Variants in CDKAL1 observed in about 807,000 individuals in gnomAD.
The protein encoded by CDKAL1 is CDKAL1 threonylcarbamoyladenosine tRNA methylthiotransferase.
In CDKAL1, 32 loss-of-function variants were observed where a neutral mutation model predicts 68.2. The ratio of observed to expected loss-of-function variants is 0.47; its 90% CI spans 0.35 to 0.63. The LOEUF (loss-of-function observed/expected upper bound fraction) is 0.63. CDKAL1 is among the 30% of genes least tolerant of loss of function. The pLI is 0.00. For synonymous variants in CDKAL1, 234 were observed against 244.3 expected, an observed-to-expected ratio of 0.96 and a Z score of 0.39; for missense variants, 606 against 696.7, an observed-to-expected ratio of 0.87 and a Z score of 1.47.
At chr6:20,646,929 G>A (rs1343645177) in intron 4 of CDKAL1, among the ~76,000 whole-genome samples, 3 of 152,086 alleles carry the variant, frequency 2.0e-5, no homozygotes, top group Admixed American at 1.3e-4. Flanking sequence ...ATTATTAGTA[G>A]AGATGGGGTT....
At chr6:20,808,175 C>T (rs1439745444) in intron 8 of CDKAL1, among the ~76,000 whole-genome samples, 3 of 152,148 alleles carry the variant, frequency 2.0e-5, no homozygotes, top group Admixed American at 6.5e-5. Context: ...GTTGCTAGGG[C>T]ATTTTACCTT....
intron 13 of CDKAL1, among the ~76,000 whole-genome samples, chr6:21,114,712 C>G (rs1027364971): frequency 6.6e-6 from 1 of 151,864 alleles, no homozygotes; most frequent in South Asian, 2.1e-4. Context: ...GCACTCTAGC[C>G]TCAATGACAG....
chr6:21,171,407 G>GT (rs1181774820), intron 13 of CDKAL1, among the ~76,000 whole-genome samples: 6 of 151,800 alleles, frequency 4.0e-5, no homozygotes, highest in East Asian at 3.9e-4. Flanking sequence ...TAGAGATGGG[G>GT]TTCACCATGT....
At chr6:20,881,944 C>T (rs9465923) in intron 9 of CDKAL1, among the ~76,000 whole-genome samples, 34,672 of 152,108 alleles carry the variant, frequency 0.23, 4,105 homozygotes, top group Middle Eastern at 0.29. Context: ...ACTCTCTTAT[C>T]GCTGCAAGTA....
chr6:21,004,115 A>G (rs1041946971), intron 11 of CDKAL1, among the ~76,000 whole-genome samples: 115 of 152,344 alleles, frequency 7.5e-4, no homozygotes, highest in Middle Eastern at 3.4e-3. Flanking sequence ...AAGACAACCT[A>G]TAGCATTTAA....
chr6:20,735,856 C>G (rs1412068648), intron 5 of CDKAL1, among the ~76,000 whole-genome samples: 1 of 152,086 alleles, frequency 6.6e-6, no homozygotes, highest in Non-Finnish European at 1.5e-5. Context: ...TTTGTTTTCA[C>G]CTATTATTTT....
intron 8 of CDKAL1, among the ~76,000 whole-genome samples, chr6:20,829,533 G>C (rs955158064): frequency 2.6e-5 from 4 of 152,140 alleles, no homozygotes; most frequent in Non-Finnish European, 5.9e-5. Context: ...GCAATGCAAG[G>C]CATTACCCTT....
At chr6:21,102,415 G>A (rs183719737) in intron 12 of CDKAL1, among the ~76,000 whole-genome samples, 3 of 152,246 alleles carry the variant, frequency 2.0e-5, no homozygotes, top group Admixed American at 2.0e-4. Flanking sequence ...CACATCCTTG[G>A]TAGTTAACAC....
chr6:20,644,315 A>T (rs1768331950), intron 4 of CDKAL1, among the ~76,000 whole-genome samples: 1 of 152,156 alleles, frequency 6.6e-6, no homozygotes, highest in Non-Finnish European at 1.5e-5. Context: ...TATGCCTCTA[A>T]GAGGAACTAT....
At chr6:21,088,538 A>G (rs1772824619) in intron 12 of CDKAL1, among the ~76,000 whole-genome samples, 1 of 152,262 alleles carries the variant, frequency 6.6e-6, no homozygotes, top group Non-Finnish European at 1.5e-5. Context: ...AGCTAGTTCA[A>G]AAGTTAGGAA....
At chr6:20,686,787 C>T (rs1477010295) in intron 5 of CDKAL1, among the ~76,000 whole-genome samples, 3 of 152,062 alleles carry the variant, frequency 2.0e-5, no homozygotes, top group Non-Finnish European at 1.5e-5. Flanking sequence ...GGGAAAGCTT[C>T]GAGTTTCTCA....
rs1183767580 is a variant in CDKAL1 at position 20,936,313 on chromosome 6, G to C, written c.743-19106G>C. ...TCGCCCAGGCTGGAGTGCAGTGGCG[G>C]GATCTCGGCTCACTGCAAGCTCCGC... is the stretch of plus-strand genomic sequence containing the variant. On this transcript the variant is annotated intron_variant, in intron 9 of 15. Transcript: ENST00000274695. 1.1e-3 allele frequency among the ~76,000 whole-genome samples: 158 copies of C among 140,478 alleles called. 3 individuals are homozygous for C. Among genetic ancestry groups the C allele is most frequent in the South Asian group, 3.9e-3 (17 of 4,362 alleles). The allele number at this position is 140,478 out of a possible 152,430, so 92.2% of individuals were successfully genotyped here.
At chr6:20,930,348 G>T (rs1313534678) in intron 9 of CDKAL1, among the ~76,000 whole-genome samples, 1 of 151,752 alleles carries the variant, frequency 6.6e-6, no homozygotes, top group Non-Finnish European at 1.5e-5. Flanking sequence ...GCCCTGCCAA[G>T]CTCTATTTCT....
At chr6:20,846,657 G>C (rs1778386173) in intron 9 of CDKAL1, among the ~76,000 whole-genome samples, 1 of 152,176 alleles carries the variant, frequency 6.6e-6, no homozygotes, top group South Asian at 2.1e-4. Flanking sequence ...TTAACCACAT[G>C]ACTGTCAGAC....
chr6:21,166,014 T>G (rs1050179619), intron 13 of CDKAL1, among the ~76,000 whole-genome samples: 1 of 152,186 alleles, frequency 6.6e-6, no homozygotes, highest in South Asian at 2.1e-4. Flanking sequence ...TATGCTGTAG[T>G]TCCCGAATCA....
At chr6:20,898,349 T>G (rs889690007) in intron 9 of CDKAL1, among the ~76,000 whole-genome samples, 1 of 150,288 alleles carries the variant, frequency 6.7e-6, no homozygotes, top group Non-Finnish European at 1.5e-5. Flanking sequence ...TCCTATGACA[T>G]TGGGAATTCT....
chr6:20,540,090 TTGA>T (rs1385150304), intron 2 of CDKAL1, among the ~76,000 whole-genome samples: 3 of 151,002 alleles, frequency 2.0e-5, no homozygotes, highest in African/African-American at 7.4e-5. Flanking sequence ...TTTTTTTTTT[TTGA>T]GACAGAGTCT....
chr6:20,990,189 G>T (rs545884944), intron 10 of CDKAL1, among the ~76,000 whole-genome samples: 75 of 152,292 alleles, frequency 4.9e-4, no homozygotes, highest in African/African-American at 1.8e-3. Context: ...GTTGCAGTGA[G>T]CCAAGATCGC....
chr6:20,815,498 T>C (rs1237374547), intron 8 of CDKAL1, among the ~76,000 whole-genome samples: 1 of 152,080 alleles, frequency 6.6e-6, no homozygotes, highest in Non-Finnish European at 1.5e-5. Flanking sequence ...AATCTCTTTT[T>C]CTCCTTTTTT....
Sources: gnomAD v4.1 joint callset for allele counts (sites outside exome capture counted in the v4.1 genomes callset) on GRCh38, gnomAD v4.1.1 for gene constraint, MANE v1.5 for transcripts, NCBI Gene and HGNC (gene_info 2026-07-23, HGNC 2026-07-21) for gene names.